The following RAB3C variants were observed in gnomAD, a reference collection of about 807,000 sequenced individuals.
RAB3C encodes the protein ras-related protein Rab-3C.
RAB3C carries 17 observed loss-of-function variants against 26.4 expected under a neutral mutation model. The observed-to-expected ratio is 0.64, with a 90% CI of 0.44 to 0.97. The LOEUF is 0.97. RAB3C is among the 50% of genes least tolerant of loss of function. RAB3C has a pLI of 0.00. For missense variants in RAB3C, 242 were observed against 281.9 expected, an observed-to-expected ratio of 0.86 and a Z score of 1.01; for synonymous variants, 91 against 95.9, an observed-to-expected ratio of 0.95 and a Z score of 0.30.
intron 4 of RAB3C, among the ~76,000 whole-genome samples, chr5:58,850,419 A>G (rs929035269): frequency 6.6e-6 from 1 of 152,228 alleles, no homozygotes; most frequent in Non-Finnish European, 1.5e-5. Flanking sequence ...GGCTGTTGGA[A>G]TAACACTACT....
In RAB3C at chr5:58,857,574, CT is replaced by C. The variant is rs574220111; in HGVS notation, c.*6224del. The C allele has an allele frequency of 4.1e-4, 62 of 152,250 alleles. No homozygotes were observed. Among genetic ancestry groups the C allele is most frequent in the African/African-American group, 1.5e-3 (61 of 41,552 alleles). The allele number at this position is 152,250 out of a possible 1,614,324, so 9.4% of individuals were successfully genotyped here. The stretch of plus-strand genomic sequence containing the variant: ...TGACATGTCTACTAAGAATTTTCAC[CT>C]CTGTACTTGTATGTATATTTTATTG... On this transcript the variant is annotated 3_prime_UTR_variant, in exon 5 of 5. Coordinates refer to ENST00000282878, the MANE Select transcript of RAB3C (RefSeq NM_138453.4).
intron 2 of RAB3C, among the ~76,000 whole-genome samples, chr5:58,654,017 T>C (rs1209586726): frequency 2.6e-5 from 4 of 152,234 alleles, no homozygotes; most frequent in Admixed American, 1.3e-4. Flanking sequence ...TATAAAACTT[T>C]ATATTTTCTG....
intron 4 of RAB3C, among the ~76,000 whole-genome samples, chr5:58,845,100 C>T (rs2112084127): frequency 1.3e-5 from 2 of 152,214 alleles, no homozygotes; most frequent in East Asian, 3.9e-4. Flanking sequence ...GAATGGAGTC[C>T]CCTAGGGTGC....
intron 2 of RAB3C, among the ~76,000 whole-genome samples, chr5:58,712,082 A>G (rs897457979): frequency 6.6e-6 from 1 of 152,134 alleles, no homozygotes; most frequent in Non-Finnish European, 1.5e-5. Context: ...AAATCTACCC[A>G]TCACTGGAAA....
chr5:58,599,267 A>G (rs12516344), intron 1 of RAB3C, among the ~76,000 whole-genome samples: 18,184 of 152,116 alleles, frequency 0.12, 1,179 homozygotes, highest in Admixed American at 0.16. Flanking sequence ...ACTTCTTACT[A>G]CACTGTGATT....
chr5:58,711,303 G>A (rs935431020), intron 2 of RAB3C, among the ~76,000 whole-genome samples: 1 of 152,138 alleles, frequency 6.6e-6, no homozygotes, highest in Non-Finnish European at 1.5e-5. Context: ...TGACAGGCTC[G>A]CTTCGATTTT....
rs1744104005 is a variant in RAB3C, at chr5:58,851,098, A to AATC, written c.497-64_497-62dup. ...TCACCTCATCACTATTGAAAGCCAT[A>AATC]ATCAAGTCCCATTTAATTTCAGAAA... On this transcript the variant is annotated intron_variant, in intron 4 of 4. Transcript: ENST00000282878. 2.6e-5 allele frequency: 38 copies of AATC among 1,467,122 alleles called. No individual in the cohort carries two copies. In the South Asian group the frequency reaches 4.9e-4, roughly 19 times the overall value. 90.9% of individuals were successfully genotyped at this position (1,467,122 alleles called of 1,614,324 possible).
chr5:58,710,842 A>T (rs1749043646), intron 2 of RAB3C, among the ~76,000 whole-genome samples: 1 of 152,004 alleles, frequency 6.6e-6, no homozygotes, highest in African/African-American at 2.4e-5. Context: ...CTAGCATCTG[A>T]TTTCTACATT....
intron 3 of RAB3C, chr5:58,815,809 G>A (rs1400311273): frequency 2.0e-5 from 3 of 152,114 alleles, no homozygotes; most frequent in Non-Finnish European, 2.9e-5. Flanking sequence ...TGTCCTCATG[G>A]TACCTATAGT....
intron 4 of RAB3C, among the ~76,000 whole-genome samples, chr5:58,830,420 A>G (rs1212846933): frequency 2.0e-5 from 3 of 152,192 alleles, no homozygotes; most frequent in Admixed American, 6.5e-5. Context: ...GTCACCAAGC[A>G]TAAGAGTTTG....
At chr5:58,758,602 T>C (rs1741726398) in intron 3 of RAB3C, among the ~76,000 whole-genome samples, 1 of 152,186 alleles carries the variant, frequency 6.6e-6, no homozygotes, top group African/African-American at 2.4e-5. Flanking sequence ...ACAGGGTCCC[T>C]ATCCTTAGGG....
chr5:58,795,574 C>A (rs10940624), intron 3 of RAB3C, among the ~76,000 whole-genome samples: 19,249 of 152,152 alleles, frequency 0.13, 1,429 homozygotes, highest in South Asian at 0.2. Context: ...GTACTTCATT[C>A]TGGGTGAAGG....
chr5:58,742,990 A>G (rs556281598), intron 3 of RAB3C, among the ~76,000 whole-genome samples: 3 of 152,282 alleles, frequency 2.0e-5, no homozygotes, highest in East Asian at 3.9e-4. Context: ...GTTCTTAATT[A>G]AAGCTCCATT....
chr5:58,813,668 C>T (rs1297859293), intron 3 of RAB3C, among the ~76,000 whole-genome samples: 1 of 145,800 alleles, frequency 6.9e-6, no homozygotes, highest in African/African-American at 2.5e-5. Flanking sequence ...ATGGTAGAAC[C>T]ACAGCTTTTA....
At chr5:58,825,243 C>T (rs773412259) in intron 4 of RAB3C, 81 bp downstream of exon 4, 10 of 1,346,996 alleles carry the variant, frequency 7.4e-6, no homozygotes, top group Non-Finnish European at 9.8e-6. Context: ...AGCTAATTGT[C>T]AGGGTGGAGT....
intron 3 of RAB3C, among the ~76,000 whole-genome samples, chr5:58,735,383 A>G (rs1741111023): frequency 6.6e-6 from 1 of 152,202 alleles, no homozygotes; most frequent in Non-Finnish European, 1.5e-5. Flanking sequence ...AATTTTAGCA[A>G]GCAGGTGAAT....
intron 2 of RAB3C, among the ~76,000 whole-genome samples, chr5:58,628,214 A>AACAAC (rs1303268267): frequency 2.0e-5 from 3 of 152,046 alleles, no homozygotes; most frequent in African/African-American, 7.2e-5. Flanking sequence ...ACAATAGAGA[A>AACAAC]ACAACAGAAA....
intron 1 of RAB3C, among the ~76,000 whole-genome samples, chr5:58,612,412 C>T (rs1294032085): frequency 6.7e-6 from 1 of 149,870 alleles, no homozygotes; most frequent in Non-Finnish European, 1.5e-5. Context: ...TTTCTTTGAG[C>T]AGTGTTTTGT....
At chr5:58,676,031 T>C (rs1447045706) in intron 2 of RAB3C, among the ~76,000 whole-genome samples, 1 of 152,096 alleles carries the variant, frequency 6.6e-6, no homozygotes, top group Non-Finnish European at 1.5e-5. Context: ...GGAAGCTTCC[T>C]CCCATCAGCC....
Sources: gnomAD v4.1 joint callset for allele counts (sites outside exome capture counted in the v4.1 genomes callset) on GRCh38, gnomAD v4.1.1 for gene constraint, MANE v1.5 for transcripts, NCBI Gene and HGNC (gene_info 2026-07-23, HGNC 2026-07-21) for gene names.